The following MROH2B variants were observed in gnomAD, a reference collection of about 807,000 sequenced individuals.
The protein encoded by MROH2B is maestro heat-like repeat-containing protein family member 2B.
Under a neutral mutation model 208.6 loss-of-function variants are expected in MROH2B, and 177 were observed. The ratio of observed to expected loss-of-function variants is 0.85; its 90% CI spans 0.75 to 0.96. The LOEUF (loss-of-function observed/expected upper bound fraction) is 0.96, where lower values mean the gene tolerates loss of function less well. Ranked by LOEUF, MROH2B falls within the 40% of genes least tolerant of loss-of-function variation. MROH2B has a pLI of 0.00. For missense variants in MROH2B, 2,002 were observed against 1,878.7 expected, an observed-to-expected ratio of 1.07 and a Z score of -1.21; for synonymous variants, 728 against 659.0, an observed-to-expected ratio of 1.10 and a Z score of -1.60.
intron 2 of MROH2B, among the ~76,000 whole-genome samples, chr5:41,068,573 C>T (rs1051699950): frequency 1.3e-5 from 2 of 152,180 alleles, no homozygotes; most frequent in African/African-American, 4.8e-5. Context: ...TTAGCTGGCA[C>T]CTTAACCTCT....
intron 12 of MROH2B, 130 bp downstream of exon 12, chr5:41,052,335 A>C: frequency 1.2e-6 from 1 of 861,028 alleles, no homozygotes; most frequent in Non-Finnish European, 1.5e-6. Flanking sequence ...ATTTTTTTAA[A>C]ATTTATTTAT....
intron 24 of MROH2B, among the ~76,000 whole-genome samples, chr5:41,030,688 A>T (rs1056288651): frequency 6.6e-6 from 1 of 152,164 alleles, no homozygotes; most frequent in Non-Finnish European, 1.5e-5. Flanking sequence ...AAAAAAGAAC[A>T]AATCTGGAGT....
intron 24 of MROH2B, among the ~76,000 whole-genome samples, chr5:41,021,146 C>T (rs1185698259): frequency 6.6e-6 from 1 of 152,074 alleles, no homozygotes; most frequent in East Asian, 1.9e-4. Flanking sequence ...CTATATACAA[C>T]TGATTTGTTA....
At chr5:41,012,468 G>A (rs1276681498) in intron 30 of MROH2B, 115 bp downstream of exon 30, 2 of 1,121,448 alleles carry the variant, frequency 1.8e-6, no homozygotes, top group Non-Finnish European at 2.5e-6. Flanking sequence ...GGCCTCTTGA[G>A]GTTGTGCAAG....
intron 6 of MROH2B, 132 bp from the exon 7 acceptor site, chr5:41,058,335 T>C: frequency 1.1e-6 from 1 of 908,588 alleles, no homozygotes; most frequent in Non-Finnish European, 1.5e-6. Flanking sequence ...ATTCTTTAAA[T>C]TCTTTAAAAT....
At chr5:41,006,912 A>G (rs1274897211) in intron 34 of MROH2B, among the ~76,000 whole-genome samples, 1 of 152,186 alleles carries the variant, frequency 6.6e-6, no homozygotes, top group East Asian at 1.9e-4. Flanking sequence ...GGTGCACCAA[A>G]ATCTCAGAAA....
At chr5:41,044,616 A>G (rs1305088019) in intron 18 of MROH2B, among the ~76,000 whole-genome samples, 1 of 152,184 alleles carries the variant, frequency 6.6e-6, no homozygotes, top group Non-Finnish European at 1.5e-5. Flanking sequence ...AAGAAGATGG[A>G]GCATTACTCG....
Position 41,070,849 on chromosome 5 carries a change from T to C in MROH2B, c.4A>G (p.Thr2Ala), listed in dbSNP as rs1394921587. 1 of 1,611,148 alleles carries C rather than the reference T, an allele frequency of 6.2e-7. No homozygotes were observed. The highest frequency in any genetic ancestry group is 1.7e-5 in the Admixed American group (1 of 59,616). ...CCTATGGATTCCTCTGTACTAAGTG[T>C]CATGTCTTGGCTGTTTCAGGGTCTC... M[T>A]LSTEESIEMF... The change falls in exon 1 of 42, where the codon ACA becomes GCA. Residue 2 changes from threonine to alanine, a missense_variant. Thr to Ala is a moderately conservative substitution (Grantham distance 58). Coordinates refer to ENST00000399564, the MANE Select transcript of MROH2B (RefSeq NM_173489.5).
intron 24 of MROH2B, among the ~76,000 whole-genome samples, chr5:41,025,656 A>C (rs1425186917): frequency 2.6e-5 from 4 of 152,220 alleles, no homozygotes; most frequent in Non-Finnish European, 5.9e-5. Flanking sequence ...ATCAATAGAA[A>C]AAGAGGGAAT....
chr5:41,027,024 T>C (rs963570547), intron 24 of MROH2B, among the ~76,000 whole-genome samples: 1 of 152,124 alleles, frequency 6.6e-6, no homozygotes, highest in Admixed American at 6.5e-5. Context: ...TTACACCTTA[T>C]ACAAAAATTA....
intron 1 of MROH2B, among the ~76,000 whole-genome samples, chr5:41,070,583 C>T (rs759277239): frequency 2.2e-4 from 34 of 152,274 alleles, no homozygotes; most frequent in Non-Finnish European, 4.0e-4. Context: ...TATGTAGCCA[C>T]TTTCTCCTCA....
intron 24 of MROH2B, among the ~76,000 whole-genome samples, chr5:41,025,331 A>G (rs949210434): frequency 1.3e-5 from 2 of 152,184 alleles, no homozygotes; most frequent in Non-Finnish European, 2.9e-5. Context: ...AAACAGACAC[A>G]ATAAAAAATG....
At chr5:41,069,513 C>A (rs903156443) in intron 2 of MROH2B, among the ~76,000 whole-genome samples, 178 bp downstream of exon 2, 1 of 152,060 alleles carries the variant, frequency 6.6e-6, no homozygotes, top group African/African-American at 2.4e-5. Context: ...TCTTGAAATG[C>A]CAAATATCAT....
chr5:41,005,014 G>A, intron 35 of MROH2B, 94 bp from the exon 36 acceptor site: 1 of 1,475,870 alleles, frequency 6.8e-7, no homozygotes, highest in Non-Finnish European at 9.0e-7. Flanking sequence ...TTAAAGAGAG[G>A]ACCCCACTGC....
At chr5:41,048,176 G>T in intron 16 of MROH2B, 148 bp downstream of exon 16, 1 of 927,238 alleles carries the variant, frequency 1.1e-6, no homozygotes, top group Non-Finnish European at 1.5e-6. Context: ...AAGGAGTTAA[G>T]AAGAAAAAAA....
chr5:41,025,708 C>A (rs1403261518), intron 24 of MROH2B, among the ~76,000 whole-genome samples: 1 of 152,072 alleles, frequency 6.6e-6, no homozygotes, highest in Non-Finnish European at 1.5e-5. Context: ...ATCCTGATAC[C>A]AAAGCCTGGC....
chr5:41,027,433 A>G (rs553708818), intron 24 of MROH2B, among the ~76,000 whole-genome samples: 1,986 of 143,894 alleles, frequency 0.014, 26 homozygotes, highest in Non-Finnish European at 0.021. Flanking sequence ...CAGACACATG[A>G]AAAAATGCTC....
chr5:41,037,034 C>T (rs991037473), intron 21 of MROH2B, among the ~76,000 whole-genome samples: 1 of 152,108 alleles, frequency 6.6e-6, no homozygotes, highest in Non-Finnish European at 1.5e-5. Context: ...TTTCTTTCCT[C>T]TTTTATTTAT....
In MROH2B at chr5:41,057,143, A is replaced by C. The variant is rs1743481065; in HGVS notation, c.885T>G (p.Asn295Lys). The C allele has an allele frequency of 1.2e-6, 2 of 1,613,936 alleles. No individual in the cohort carries two copies. The highest frequency in any genetic ancestry group is 1.7e-6 in the Non-Finnish European group (2 of 1,179,860). The change falls in exon 9 of 42, where the codon AAT (asparagine) becomes AAG (lysine). Residue 295 changes from asparagine to lysine, a missense_variant. Physicochemically the swap from Asn to Lys is moderately conservative, Grantham distance 94. Transcript: ENST00000399564. ...CRAPEPPVKENEMKASSCFLI... is the reference protein window; with the variant it reads ...CRAPEPPVKEKEMKASSCFLI... ...GAAAACAGCTTGAAGCTTTCATTTC[A>C]TTTTCCTTTACTGGAGGCTCTGGAG... is the stretch of plus-strand genomic sequence containing the variant.
Sources: gnomAD v4.1 joint callset for allele counts (sites outside exome capture counted in the v4.1 genomes callset) on GRCh38, gnomAD v4.1.1 for gene constraint, MANE v1.5 for transcripts, NCBI Gene and HGNC (gene_info 2026-07-23, HGNC 2026-07-21) for gene names.